PDE8A: variants seen among roughly 807,000 people sequenced by gnomAD.
The protein encoded by PDE8A is phosphodiesterase 8A, also known as high affinity cAMP-specific and IBMX-insensitive 3',5'-cyclic phosphodiesterase 8A.
In PDE8A, 59 loss-of-function variants were observed where a neutral mutation model predicts 105.0. The observed-to-expected ratio is 0.56, with a 90% CI of 0.46 to 0.70. The LOEUF is 0.70. Among genes scored for constraint, PDE8A ranks in the 30% least tolerant of loss-of-function variants. PDE8A has a pLI of 0.00. For missense variants in PDE8A, 1,014 were observed against 1,045.9 expected (o/e 0.97, Z 0.42); for synonymous variants, 355 against 371.9 (o/e 0.95, Z 0.52).
chr15:85,035,807 A>T (rs1166714978), intron 1 of PDE8A, among the ~76,000 whole-genome samples: 1 of 152,358 alleles, frequency 6.6e-6, no homozygotes, highest in African/African-American at 2.4e-5. Context: ...GAAGTGTCAT[A>T]ATATGTGGTC....
intron 8 of PDE8A, among the ~76,000 whole-genome samples, chr15:85,092,330 T>TG (rs1039648852): frequency 1.1e-4 from 15 of 142,290 alleles, no homozygotes; most frequent in Non-Finnish European, 1.9e-4. Context: ...TTGTTGTTGT[T>TG]TTTTTTTGTT....
At position 85,047,890 on chromosome 15, in the gene PDE8A, ATATT is replaced by A. The variant is rs2080912336; in HGVS notation, c.187-16477_187-16474del. Among the ~76,000 whole-genome samples, 3 of 152,200 alleles carry A rather than the reference ATATT, an allele frequency of 2.0e-5. No individual in the cohort carries two copies. In the South Asian group the frequency reaches 6.2e-4, roughly 32 times the overall value. On this transcript the variant is annotated intron_variant, in intron 1 of 21. Transcript: ENST00000394553. ...TACTTTTTACTCATGCTGGTCATTA[ATATT>A]TAAACAATTCATTATTGTCTTTATA...
rs184027462 is a variant in PDE8A at position 85,102,896 on chromosome 15, C to T, written c.1036+2698C>T. On this transcript the variant is annotated intron_variant, in intron 11 of 21. Coordinates refer to ENST00000394553, the MANE Select transcript of PDE8A (RefSeq NM_002605.3). ...GTAGGTATGACTATTATTTATATTCCTTTATTACAGAGGAAGAAACTGAGG... is the reference window on the plus strand; with the variant it reads ...GTAGGTATGACTATTATTTATATTCTTTTATTACAGAGGAAGAAACTGAGG... Among the ~76,000 whole-genome samples, 5 of 151,352 alleles carry T rather than the reference C, an allele frequency of 3.3e-5. No homozygotes were observed. The South Asian group carries it at 6.3e-4, about 19-fold the overall frequency.
At chr15:84,996,854 G>A (rs1347507665) in intron 1 of PDE8A, among the ~76,000 whole-genome samples, 2 of 109,624 alleles carry the variant, frequency 1.8e-5, no homozygotes, top group Non-Finnish European at 4.1e-5. Flanking sequence ...AAAAAAAGGT[G>A]GTACACTTAT....
chr15:85,126,679 G>C (rs2082264156), intron 20 of PDE8A, among the ~76,000 whole-genome samples: 1 of 151,710 alleles, frequency 6.6e-6, no homozygotes, highest in Admixed American at 6.6e-5. Context: ...CCTCTCTTGG[G>C]GCAGAAAAAA....
chr15:85,020,035 G>T (rs2080398075), intron 1 of PDE8A, among the ~76,000 whole-genome samples: 2 of 144,782 alleles, frequency 1.4e-5, no homozygotes, highest in Admixed American at 1.4e-4. Flanking sequence ...CGGGTGGTTG[G>T]TGATCTACAT....
chr15:85,053,038 T>G (rs1204030419), intron 1 of PDE8A, among the ~76,000 whole-genome samples: 1 of 152,248 alleles, frequency 6.6e-6, no homozygotes, highest in East Asian at 1.9e-4. Context: ...TTTCTACATA[T>G]GGCTAGCCAG....
chr15:85,091,528 T>A (rs2141532693), intron 8 of PDE8A, among the ~76,000 whole-genome samples: 1 of 152,328 alleles, frequency 6.6e-6, no homozygotes, highest in South Asian at 2.1e-4. Flanking sequence ...GGCAACACAT[T>A]CTCAGAAAAC....
At chr15:85,104,856 C>T (rs1237538539) in intron 11 of PDE8A, among the ~76,000 whole-genome samples, 3 of 152,060 alleles carry the variant, frequency 2.0e-5, no homozygotes, top group African/African-American at 7.2e-5. Flanking sequence ...CAATAATAGA[C>T]GTGAATAATG....
chr15:84,983,644 T>C (rs765416798), intron 1 of PDE8A, among the ~76,000 whole-genome samples: 3 of 152,244 alleles, frequency 2.0e-5, no homozygotes, highest in Non-Finnish European at 4.4e-5. Context: ...AAGGTGCTCT[T>C]AATATCAGTG....
intron 9 of PDE8A, among the ~76,000 whole-genome samples, chr15:85,099,525 G>C (rs1027053976): frequency 3.3e-5 from 5 of 152,216 alleles, no homozygotes; most frequent in Admixed American, 6.5e-5. Flanking sequence ...TAAATGAGAA[G>C]AGTCAGCAGC....
chr15:85,136,586 G>A lies in PDE8A; in HGVS notation c.2306G>A (p.Arg769Lys). The part of the protein sequence containing the change: ...GLPVVMPVFD[R>K]NTCSIPKSQI... Reference sequence around the variant, plus strand: ...CCTGTGGTGATGCCAGTGTTTGACAGAAATACCTGCAGCATCCCCAAATCC... The same window carrying A: ...CCTGTGGTGATGCCAGTGTTTGACAAAAATACCTGCAGCATCCCCAAATCC... The change falls in exon 21 of 22, where the codon AGA becomes AAA. Residue 769 changes from arginine (R) to lysine (K), a missense_variant. Arg to Lys is a conservative substitution (Grantham distance 26). Transcript: ENST00000394553. 1 of 1,613,782 alleles carries A rather than the reference G, an allele frequency of 6.2e-7. No individual in the cohort carries two copies. The highest frequency in any genetic ancestry group is 8.5e-7 in the Non-Finnish European group (1 of 1,179,738).
intron 1 of PDE8A, among the ~76,000 whole-genome samples, chr15:85,036,371 A>C (rs1365455851): frequency 6.6e-6 from 1 of 152,218 alleles, no homozygotes; most frequent in African/African-American, 2.4e-5. Flanking sequence ...TAAACAGGAA[A>C]CACCCCAGTA....
intron 2 of PDE8A, 96 bp from the exon 3 acceptor site, chr15:85,066,918 A>C (rs1434630234): frequency 2.3e-6 from 2 of 885,922 alleles, no homozygotes; most frequent in African/African-American, 1.7e-5. Flanking sequence ...CAGCCTGAGC[A>C]ACAGAGCAAG....
intron 5 of PDE8A, among the ~76,000 whole-genome samples, chr15:85,080,979 C>G (rs974735796): frequency 1.3e-5 from 2 of 152,168 alleles, no homozygotes; most frequent in Non-Finnish European, 2.9e-5. Context: ...GGAATTCATG[C>G]GGTCAACCAG....
chr15:85,008,816 C>T (rs1255823851), intron 1 of PDE8A, among the ~76,000 whole-genome samples: 1 of 152,126 alleles, frequency 6.6e-6, no homozygotes, highest in South Asian at 2.1e-4. Flanking sequence ...TGCTGAACCT[C>T]GCTAAGGCAT....
chr15:85,069,758 T>A (rs915021707), intron 3 of PDE8A, among the ~76,000 whole-genome samples: 2 of 152,182 alleles, frequency 1.3e-5, no homozygotes, highest in African/African-American at 4.8e-5. Context: ...CCCGATCACA[T>A]TTATTTCCTG....
chr15:85,115,511 T>G (rs1428025202), intron 15 of PDE8A, 24 bp downstream of exon 15: 5 of 1,261,572 alleles, frequency 4.0e-6, no homozygotes, highest in African/African-American at 1.5e-5. Context: ...TTTTAATTTC[T>G]TAGATCACTG....
chr15:85,117,239 A>G (rs1055703404), intron 16 of PDE8A, among the ~76,000 whole-genome samples: 3 of 152,236 alleles, frequency 2.0e-5, no homozygotes, highest in Non-Finnish European at 2.9e-5. Context: ...TGTCTGGCCA[A>G]TGGCATGGGT....
Sources: gnomAD v4.1 joint callset for allele counts (sites outside exome capture counted in the v4.1 genomes callset) on GRCh38, gnomAD v4.1.1 for gene constraint, MANE v1.5 for transcripts, NCBI Gene and HGNC (gene_info 2026-07-23, HGNC 2026-07-21) for gene names.